SUGT1: variants seen among roughly 807,000 people sequenced by gnomAD.
SUGT1 encodes the protein SGT1 assembly cochaperone of MIS12 kinetochore complex.
Under a neutral mutation model 56.1 loss-of-function variants are expected in SUGT1, and 15 were observed. That is an observed-to-expected ratio of 0.27 (90% CI 0.18 to 0.41). The LOEUF (loss-of-function observed/expected upper bound fraction) is 0.41, where lower values mean the gene tolerates loss of function less well. Ranked by LOEUF, SUGT1 falls within the 10% of genes least tolerant of loss-of-function variation. The probability of loss-of-function intolerance (pLI) is 1.00; values close to 1 mark genes in which losing one functional copy is unlikely to be tolerated. For missense variants in SUGT1, 347 were observed against 382.2 expected, an observed-to-expected ratio of 0.91 and a Z score of 0.77; for synonymous variants, 123 against 128.6, an observed-to-expected ratio of 0.96 and a Z score of 0.30.
rs762757148 is a variant in SUGT1 at position 52,659,279 on chromosome 13, C to T, written c.328+30C>T. 6 of 1,323,368 alleles carry T rather than the reference C, an allele frequency of 4.5e-6. No homozygotes were observed. In the South Asian group the frequency reaches 9.3e-5, roughly 21 times the overall value. The allele number at this position is 1,323,368 out of a possible 1,614,324, so 82.0% of individuals were successfully genotyped here. On this transcript the variant is annotated intron_variant, in intron 5 of 12. Transcript: ENST00000310528. ...GTATTAAAAATTATACTTTAATAAA[C>T]TTATCTATTTCTGTCTTAAATACCA... is the stretch of plus-strand genomic sequence containing the variant.
intron 3 of SUGT1, chr13:52,658,155 G>A: frequency 7.0e-7 from 1 of 1,427,680 alleles, no homozygotes; most frequent in Non-Finnish European, 9.2e-7. Context: ...AGACAAGGAG[G>A]TGAATTTTGT....
chr13:52,663,068 A>G, intron 6 of SUGT1, 28 bp from the exon 7 acceptor site: 1 of 1,604,208 alleles, frequency 6.2e-7, no homozygotes. Context: ...CTGTTCCCTG[A>G]AAATGTTTCC....
In SUGT1 at chr13:52,657,567, T is replaced by G; in HGVS notation, c.132T>G (p.Asp44Glu). The G allele has an allele frequency of 6.2e-7, 1 of 1,613,748 alleles. No homozygotes were observed. The highest frequency in any genetic ancestry group is 2.2e-5 in the East Asian group (1 of 44,830). The change falls in exon 3 of 13, where the codon GAT becomes GAG. Residue 44 changes from aspartate (D) to glutamate (E), a missense_variant. By Grantham distance (45) the Asp-to-Glu change is conservative. Transcript: ENST00000310528. ...AGGCTTTGGAACAGAAACCAGATGA[T>G]GCACAGTATTATTGTCAAAGAGCTT... ...LTKALEQKPD[D>E]AQYYCQRAYC...
rs1006071746 is a variant in SUGT1, at chr13:52,690,107, G to A, written c.*2272G>A. 6 of 152,102 alleles carry A rather than the reference G, an allele frequency of 3.9e-5. No individual in the cohort carries two copies. Among genetic ancestry groups the A allele is most frequent in the Non-Finnish European group, 8.8e-5 (6 of 68,028 alleles). The allele number at this position is 152,102 out of a possible 1,614,324, so 9.4% of individuals were successfully genotyped here. A position where few individuals can be genotyped will look rare whatever the true frequency, so the allele number is the denominator to read the frequency against. ...GATTTTGCTGGTCTGAAGGGAGTTT[G>A]TAAAACACATGACTGAAAGCATTAT... On this transcript the variant is annotated 3_prime_UTR_variant, in exon 13 of 13. Transcript: ENST00000310528.
At position 52,692,126 on chromosome 13, in the gene SUGT1, A is replaced by G. The variant is rs1357824977; in HGVS notation, c.*4291A>G. ...TACTGTGTACTAGCATTTCTTATGG[A>G]TTGGGTGGCATTATCTCATTTTTAA... On this transcript the variant is annotated 3_prime_UTR_variant, in exon 13 of 13. Transcript: ENST00000310528. 6.6e-6 allele frequency: 1 copy of G among 152,138 alleles called. No homozygotes were observed. Among genetic ancestry groups the G allele is most frequent in the Non-Finnish European group, 1.5e-5 (1 of 68,028 alleles). 9.4% of individuals were successfully genotyped at this position (152,138 alleles called of 1,614,324 possible).
At chr13:52,686,026 C>CAAGTGATT (rs1398046725) in intron 12 of SUGT1, among the ~76,000 whole-genome samples, 2 of 152,194 alleles carry the variant, frequency 1.3e-5, no homozygotes, top group African/African-American at 4.8e-5. Flanking sequence ...CTGCCAGGTT[C>CAAGTGATT]AAGTGATTCT....
intron 12 of SUGT1, among the ~76,000 whole-genome samples, chr13:52,683,519 T>G (rs1054548282): frequency 3.3e-5 from 5 of 152,198 alleles, no homozygotes; most frequent in African/African-American, 1.2e-4. Context: ...TTATGGGTTA[T>G]TGTGTCTATA....
At chr13:52,683,716 A>G (rs1314663006) in intron 12 of SUGT1, among the ~76,000 whole-genome samples, 1 of 152,092 alleles carries the variant, frequency 6.6e-6, no homozygotes, top group Admixed American at 6.6e-5. Context: ...CTGGGCCTGG[A>G]GATTTCTTTA....
intron 9 of SUGT1, 76 bp from the exon 10 acceptor site, chr13:52,666,736 G>C (rs910307519): frequency 1.8e-5 from 16 of 896,312 alleles, no homozygotes; most frequent in Non-Finnish European, 2.7e-5. Context: ...TTGAAGATTT[G>C]TCATTATTTT....
chr13:52,687,567 C>G, intron 12 of SUGT1, 167 bp from the exon 13 acceptor site: 1 of 373,026 alleles, frequency 2.7e-6, no homozygotes, highest in African/African-American at 2.1e-5. Flanking sequence ...TTATATTGAG[C>G]TATATATTTT....
In SUGT1 at chr13:52,662,690, G is replaced by A; in HGVS notation, c.370G>A (p.Glu124Lys). Residue 124 changes from glutamate (E) to lysine (K), a missense_variant, in exon 6 of 13, where the codon GAA (glutamate) becomes AAA (lysine). Glu to Lys is a moderately conservative substitution (Grantham distance 56). Coordinates refer to ENST00000310528, the MANE Select transcript of SUGT1 (RefSeq NM_006704.5). ...NFSVWIKRCQ[E>K]AQNGSESEVW... Reference sequence around the variant, plus strand: ...CAGTGTCTGGATTAAAAGGTGTCAAGAAGCTCAGAATGGTATGTGGGTCTC... The same window carrying A: ...CAGTGTCTGGATTAAAAGGTGTCAAAAAGCTCAGAATGGTATGTGGGTCTC... The A allele has an allele frequency of 6.2e-7, 1 of 1,613,676 alleles. No individual in the cohort carries two copies. Among genetic ancestry groups the A allele is most frequent in the Non-Finnish European group, 8.5e-7 (1 of 1,179,812 alleles).
At position 52,700,530 on chromosome 13, in the gene SUGT1, A is replaced by T. The variant is rs1218772721; in HGVS notation, c.*12695A>T. The T allele has an allele frequency of 6.6e-6, 1 of 152,186 alleles. No individual in the cohort carries two copies. The highest frequency in any genetic ancestry group is 1.5e-5 in the Non-Finnish European group (1 of 68,028). The allele number at this position is 152,186 out of a possible 1,614,324, so 9.4% of individuals were successfully genotyped here. On this transcript the variant is annotated 3_prime_UTR_variant, in exon 13 of 13. Transcript: ENST00000310528. ...CAAAATGAAGTACACCTATATATGC[A>T]TATAGTATATGAGCATGTGTATTTG...
In SUGT1 at chr13:52,690,177, G is replaced by A. The variant is rs1426120508; in HGVS notation, c.*2342G>A. On this transcript the variant is annotated 3_prime_UTR_variant, in exon 13 of 13. Transcript: ENST00000310528. ...ACATTAGATTCATTATAGGTCAAGG[G>A]AATTTTGAAAAGTAGGCTAGATTGC... 3 of 152,062 alleles carry A rather than the reference G, an allele frequency of 2.0e-5. No homozygotes were observed. The highest frequency in any genetic ancestry group is 2.0e-4 in the Admixed American group (3 of 15,262). The allele number at this position is 152,062 out of a possible 1,614,324, so 9.4% of individuals were successfully genotyped here.
intron 4 of SUGT1, 43 bp downstream of exon 4, chr13:52,658,511 T>C: frequency 1.3e-6 from 2 of 1,561,944 alleles, no homozygotes; most frequent in South Asian, 1.2e-5. Context: ...GTATAGATAG[T>C]AGGTATTTAA....
chr13:52,683,421 ATGATTGATT>A (rs1963453559), intron 12 of SUGT1, among the ~76,000 whole-genome samples: 1 of 152,154 alleles, frequency 6.6e-6, no homozygotes, highest in Non-Finnish European at 1.5e-5. Context: ...TATGATTAAT[ATGATTGATT>A]TTCAAGTATT....
intron 4 of SUGT1, 107 bp from the exon 5 acceptor site, chr13:52,659,067 TTAAAA>T (rs1276337038): frequency 6.9e-5 from 54 of 784,316 alleles, no homozygotes; most frequent in Middle Eastern, 3.7e-4. Context: ...TAACATACAC[TTAAAA>T]TAAATTTTTT....
rs1964052602 is a variant in SUGT1, at chr13:52,700,564, C to CATG, written c.*12729_*12730insATG. On this transcript the variant is annotated 3_prime_UTR_variant, in exon 13 of 13. Transcript: ENST00000310528. ...ATGAGCATGTGTATTTGTACAAAAG[C>CATG]CCTTCAAAAGGAGTTCAGCTTTTAT... 6.6e-5 allele frequency: 10 copies of CATG among 152,028 alleles called. No individual in the cohort carries two copies. Among genetic ancestry groups the CATG allele is most frequent in the Admixed American group, 6.6e-4 (10 of 15,262 alleles). 9.4% of individuals were successfully genotyped at this position (152,028 alleles called of 1,614,324 possible).
chr13:52,689,330 T>G lies in SUGT1; in HGVS notation c.*1495T>G, dbSNP rs1406895249. The G allele has an allele frequency of 6.6e-6, 1 of 152,206 alleles. No homozygotes were observed. Among genetic ancestry groups the G allele is most frequent in the Non-Finnish European group, 1.5e-5 (1 of 68,044 alleles). The allele number at this position is 152,206 out of a possible 1,614,324, so 9.4% of individuals were successfully genotyped here. The stretch of plus-strand genomic sequence containing the variant: ...GGAAAAGGCAAAATTAAGTTTTGGT[T>G]GGATGGATTTCTAAAGTTTTCTTCT... On this transcript the variant is annotated 3_prime_UTR_variant, in exon 13 of 13. Transcript: ENST00000310528.
chr13:52,656,948 C>G (rs1046075298), intron 2 of SUGT1, among the ~76,000 whole-genome samples: 8 of 152,134 alleles, frequency 5.3e-5, no homozygotes, highest in Non-Finnish European at 7.3e-5. Flanking sequence ...AATGTTAACT[C>G]TTGGTAGTTG....
Sources: gnomAD v4.1 joint callset for allele counts (sites outside exome capture counted in the v4.1 genomes callset) on GRCh38, gnomAD v4.1.1 for gene constraint, MANE v1.5 for transcripts, NCBI Gene and HGNC (gene_info 2026-07-23, HGNC 2026-07-21) for gene names.